Variants in SUMF1 observed in about 807,000 individuals in gnomAD.
SUMF1 encodes formylglycine-generating enzyme.
In SUMF1, 48 loss-of-function variants were observed where a neutral mutation model predicts 47.6. That is an observed-to-expected ratio of 1.01 (90% CI 0.80 to 1.28). The LOEUF (loss-of-function observed/expected upper bound fraction) is 1.28, where lower values mean the gene tolerates loss of function less well. Ranked by LOEUF, SUMF1 falls within the 50% of genes most tolerant of loss-of-function variation. The pLI is 0.00. For synonymous variants in SUMF1, 230 were observed against 192.1 expected (o/e 1.20, Z -1.63); for missense variants, 571 against 485.4 (o/e 1.18, Z -1.66).
chr3:4,056,768 G>T (rs867154237), intron 9 of SUMF1, among the ~76,000 whole-genome samples: 88 of 152,072 alleles, frequency 5.8e-4, no homozygotes, highest in African/African-American at 1.9e-3. Context: ...TTGAGATGGG[G>T]TCTTGCTCTA....
intron 8 of SUMF1, among the ~76,000 whole-genome samples, chr3:4,079,043 T>C (rs980660553): frequency 5.9e-5 from 9 of 152,102 alleles, no homozygotes; most frequent in East Asian, 1.9e-4. Context: ...CTATGTGACA[T>C]TGTTTGTCAT....
intron 8 of SUMF1, among the ~76,000 whole-genome samples, chr3:4,332,399 C>T (rs1030477726): frequency 2.0e-5 from 3 of 152,200 alleles, no homozygotes; most frequent in Non-Finnish European, 2.9e-5. Context: ...ATTTATATCT[C>T]AAAGCACAGA....
intron 8 of SUMF1, among the ~76,000 whole-genome samples, chr3:4,143,070 G>A (rs1338830300): frequency 1.3e-5 from 2 of 152,132 alleles, no homozygotes; most frequent in African/African-American, 2.4e-5. Flanking sequence ...TTATATCCCT[G>A]AGCCTCGATC....
At chr3:4,045,403 T>G (rs1360165149) in intron 9 of SUMF1, among the ~76,000 whole-genome samples, 2 of 151,666 alleles carry the variant, frequency 1.3e-5, no homozygotes, top group Admixed American at 6.6e-5. Flanking sequence ...CATCCATCCA[T>G]CCATCCATTC....
intron 8 of SUMF1, among the ~76,000 whole-genome samples, chr3:4,121,297 G>A (rs1451026186): frequency 2.0e-5 from 3 of 152,042 alleles, no homozygotes; most frequent in Non-Finnish European, 2.9e-5. Flanking sequence ...ACCTCTCCAA[G>A]GTCAAATAAC....
At chr3:4,196,413 C>T (rs1695430974) in intron 8 of SUMF1, among the ~76,000 whole-genome samples, 1 of 152,066 alleles carries the variant, frequency 6.6e-6, no homozygotes, top group Non-Finnish European at 1.5e-5. Flanking sequence ...CTCCCTATAC[C>T]AGACTTGGTA....
intron 8 of SUMF1, among the ~76,000 whole-genome samples, chr3:4,178,781 T>C (rs186020537): frequency 6.6e-6 from 1 of 152,256 alleles, no homozygotes; most frequent in Non-Finnish European, 1.5e-5. Context: ...TAATTGTATA[T>C]TTAGAAAACC....
intron 6 of SUMF1, among the ~76,000 whole-genome samples, chr3:4,416,920 CAGTA>C (rs1701732625): frequency 6.6e-6 from 1 of 152,120 alleles, no homozygotes; most frequent in Admixed American, 6.6e-5. Flanking sequence ...AAATAATCTA[CAGTA>C]AGTATTATGG....
intron 8 of SUMF1, among the ~76,000 whole-genome samples, chr3:4,227,499 T>C (rs1201790115): frequency 6.6e-6 from 1 of 152,066 alleles, no homozygotes; most frequent in African/African-American, 2.4e-5. Flanking sequence ...TCCCTGTTCC[T>C]CCCCGCCGGA....
chr3:4,065,173 A>G (rs1695347835), intron 9 of SUMF1, among the ~76,000 whole-genome samples: 1 of 152,144 alleles, frequency 6.6e-6, no homozygotes, highest in Non-Finnish European at 1.5e-5. Flanking sequence ...GCCACTGTGC[A>G]GACTTAATAG....
downstream of SUMF1, among the ~76,000 whole-genome samples, chr3:4,360,179 T>G (rs886153988): frequency 2.7e-5 from 4 of 149,940 alleles, no homozygotes; most frequent in Admixed American, 2.7e-4. Context: ...ATTTCCTACA[T>G]TAATTATTTG....
chr3:4,190,990 C>T (rs1201751598), intron 8 of SUMF1, among the ~76,000 whole-genome samples: 1 of 152,126 alleles, frequency 6.6e-6, no homozygotes, highest in Non-Finnish European at 1.5e-5. Context: ...ACAAATAAGA[C>T]AGGTTATTGA....
intron 8 of SUMF1, among the ~76,000 whole-genome samples, chr3:4,290,341 A>G (rs866276016): frequency 6.6e-6 from 1 of 151,070 alleles, no homozygotes; most frequent in African/African-American, 2.5e-5. Context: ...TCTCATCACA[A>G]TTTGCTACAA....
At chr3:4,093,445 A>C (rs1692832043) in intron 8 of SUMF1, among the ~76,000 whole-genome samples, 1 of 152,098 alleles carries the variant, frequency 6.6e-6, no homozygotes, top group East Asian at 1.9e-4. Context: ...ATAGGAACAC[A>C]GGGAGCAAGC....
At chr3:4,335,964 A>AAAAAAAAAAAAAAAAAAAAAAC (rs1699140991) in intron 8 of SUMF1, among the ~76,000 whole-genome samples, 1 of 146,714 alleles carries the variant, frequency 6.8e-6, no homozygotes, top group African/African-American at 2.5e-5. Context: ...CCAACTCAAA[A>AAAAAAAAAAAAAAAAAAAAAAC]AAAAAAAAAA....
intron 7 of SUMF1, among the ~76,000 whole-genome samples, chr3:4,408,555 CAG>C: frequency 6.6e-6 from 1 of 152,288 alleles, no homozygotes; most frequent in African/African-American, 2.4e-5. Flanking sequence ...CAGCCAGGTG[CAG>C]TGTCCCACAT....
intron 8 of SUMF1, among the ~76,000 whole-genome samples, chr3:4,168,717 A>C (rs1223430451): frequency 6.6e-6 from 1 of 152,188 alleles, no homozygotes; most frequent in Non-Finnish European, 1.5e-5. Context: ...TTCATACTTT[A>C]TCTCTCTAAG....
At chr3:4,303,398 C>A in intron 8 of SUMF1, 3 of 1,559,776 alleles carry the variant, frequency 1.9e-6, no homozygotes, top group Non-Finnish European at 2.6e-6. Context: ...AAAGACGACA[C>A]GGCCTTGTGG....
chr3:4,229,938 A>G (rs995554865), intron 8 of SUMF1, among the ~76,000 whole-genome samples: 1 of 152,062 alleles, frequency 6.6e-6, no homozygotes, highest in African/African-American at 2.4e-5. Flanking sequence ...CCTTGAGCCC[A>G]GGAGTTTAAC....
Sources: allele counts gnomAD v4.1 joint callset (sites outside exome capture counted in the v4.1 genomes callset), GRCh38; gene constraint gnomAD v4.1.1; transcripts MANE v1.5; gene names NCBI Gene and HGNC (gene_info 2026-07-23, HGNC 2026-07-21).